FILIP1: variants seen among roughly 807,000 people sequenced by gnomAD.
FILIP1 encodes filamin-A-interacting protein 1.
Under a neutral mutation model 102.1 loss-of-function variants are expected in FILIP1, and 61 were observed. The observed-to-expected ratio is 0.60, with a 90% CI of 0.49 to 0.74. The LOEUF (loss-of-function observed/expected upper bound fraction) is 0.74. Among genes scored for constraint, FILIP1 ranks in the 30% least tolerant of loss-of-function variants. The pLI is 0.00. For missense variants in FILIP1, 1,314 were observed against 1,441.2 expected, an observed-to-expected ratio of 0.91 and a Z score of 1.43; for synonymous variants, 491 against 526.9, an observed-to-expected ratio of 0.93 and a Z score of 0.93.
intron 6 of FILIP1, among the ~76,000 whole-genome samples, chr6:75,297,463 C>G (rs533347734): frequency 1.3e-5 from 2 of 152,216 alleles, no homozygotes; most frequent in Non-Finnish European, 1.5e-5. Flanking sequence ...GTAAGATGAA[C>G]TATAGAATGT....
At chr6:75,396,333 GGGACAAGACT>G (rs1776460097) in intron 2 of FILIP1, among the ~76,000 whole-genome samples, 1 of 151,810 alleles carries the variant, frequency 6.6e-6, no homozygotes, top group South Asian at 2.1e-4. Flanking sequence ...TAGCCAAAGG[GGGACAAGACT>G]GCAGGAAGGG....
At chr6:75,429,353 G>T (rs147623998) in intron 1 of FILIP1, among the ~76,000 whole-genome samples, 1 of 152,134 alleles carries the variant, frequency 6.6e-6, no homozygotes, top group East Asian at 1.9e-4. Context: ...TCAAAGAAAC[G>T]TCCTGGAGAG....
At chr6:75,433,458 GGCT>G (rs1187499039) in intron 1 of FILIP1, among the ~76,000 whole-genome samples, 1 of 152,078 alleles carries the variant, frequency 6.6e-6, no homozygotes, top group Non-Finnish European at 1.5e-5. Flanking sequence ...TGTGTCTTTT[GGCT>G]GCATAAATGT....
intron 2 of FILIP1, among the ~76,000 whole-genome samples, chr6:75,388,363 G>A (rs1395084728): frequency 6.6e-6 from 1 of 152,128 alleles, no homozygotes; most frequent in Non-Finnish European, 1.5e-5. Flanking sequence ...TGGCTATACG[G>A]GCCCTTTTTT....
At chr6:75,342,343 A>G (rs920790033) in intron 4 of FILIP1, among the ~76,000 whole-genome samples, 3 of 152,220 alleles carry the variant, frequency 2.0e-5, no homozygotes, top group African/African-American at 4.8e-5. Flanking sequence ...ATACTGCATT[A>G]TTTCTCCTCA....
chr6:75,299,375 A>G (rs1772772570), intron 6 of FILIP1, among the ~76,000 whole-genome samples: 1 of 152,166 alleles, frequency 6.6e-6, no homozygotes, highest in Admixed American at 6.5e-5. Context: ...TGATTTGGAG[A>G]GCACTTAATA....
exon 7 of FILIP1, chr6:75,294,610 A>G (rs1772621642): frequency 6.6e-6 from 1 of 152,246 alleles, no homozygotes; most frequent in Non-Finnish European, 1.5e-5. Context: ...AAATCTTTCA[A>G]AATCAAGGGG....
intron 1 of FILIP1, among the ~76,000 whole-genome samples, chr6:75,462,506 C>T (rs1226163529): frequency 6.6e-6 from 1 of 151,998 alleles, no homozygotes; most frequent in Admixed American, 6.6e-5. Context: ...TAATATAAAT[C>T]TTGCTGATAA....
intron 1 of FILIP1, among the ~76,000 whole-genome samples, chr6:75,443,391 C>T (rs1218763792): frequency 6.6e-6 from 1 of 152,112 alleles, no homozygotes; most frequent in African/African-American, 2.4e-5. Flanking sequence ...CAAAAATCTA[C>T]CAATTTTTAG....
In FILIP1 at chr6:75,312,431, AC is replaced by A; in HGVS notation, c.3400del (p.Val1134SerfsTer33). ...KVTSTITITP[V>X]TTSSARGTQS... The stretch of plus-strand genomic sequence containing the variant: ...GGTTCCTCGAGCAGATGACGTTGTG[AC>A]CGGTGTTATGGTGATAGTGCTCGTC... On this transcript the variant is annotated frameshift_variant, in exon 5 of 6. Transcript: ENST00000237172. LOFTEE classifies it high-confidence loss of function. 1 of 1,613,934 alleles carries A rather than the reference AC, an allele frequency of 6.2e-7. No homozygotes were observed. The highest frequency in any genetic ancestry group is 8.5e-7 in the Non-Finnish European group (1 of 1,179,980).
chr6:75,420,282 T>A (rs1469542581), intron 1 of FILIP1, among the ~76,000 whole-genome samples: 1 of 150,512 alleles, frequency 6.6e-6, no homozygotes, highest in East Asian at 1.9e-4. Context: ...CCCAGAAAAA[T>A]TTCCAGAAAA....
At chr6:75,383,275 C>T (rs1775961819) in intron 2 of FILIP1, among the ~76,000 whole-genome samples, 1 of 152,012 alleles carries the variant, frequency 6.6e-6, no homozygotes. Context: ...ATAGCAAAAT[C>T]CTATTTAATC....
intron 4 of FILIP1, among the ~76,000 whole-genome samples, chr6:75,331,459 C>T (rs1774077887): frequency 6.6e-6 from 1 of 152,146 alleles, no homozygotes; most frequent in African/African-American, 2.4e-5. Context: ...TGTCTCCTCC[C>T]CGTTGTCAGT....
intron 4 of FILIP1, among the ~76,000 whole-genome samples, chr6:75,344,499 T>G (rs768907416): frequency 6.6e-6 from 1 of 152,224 alleles, no homozygotes; most frequent in African/African-American, 2.4e-5. Flanking sequence ...CCAACTAAAA[T>G]GGGGTCAGTT....
exon 7 of FILIP1, chr6:75,295,598 C>CAA (rs34332368): frequency 1.0e-4 from 22 of 210,922 alleles, no homozygotes; most frequent in African/African-American, 3.7e-4. Context: ...AACACTTTAG[C>CAA]AAAAAAAATC....
downstream of FILIP1, among the ~76,000 whole-genome samples, chr6:75,306,493 A>C (rs764705986): frequency 1.2e-4 from 18 of 152,260 alleles, no homozygotes; most frequent in Non-Finnish European, 2.1e-4. Context: ...GTTATGGTAC[A>C]GTAACACTAA....
chr6:75,446,491 C>T (rs912031130), intron 1 of FILIP1, among the ~76,000 whole-genome samples: 2 of 152,258 alleles, frequency 1.3e-5, no homozygotes, highest in African/African-American at 2.4e-5. Flanking sequence ...AAGACTGTAG[C>T]TCTGCAGAAT....
intron 4 of FILIP1, among the ~76,000 whole-genome samples, chr6:75,331,555 A>C (rs530129153): frequency 6.6e-6 from 1 of 152,298 alleles, no homozygotes; most frequent in South Asian, 2.1e-4. Flanking sequence ...ACTTGGGGAC[A>C]CCCAAGGATG....
At chr6:75,403,967 G>C (rs1776747080) in intron 2 of FILIP1, among the ~76,000 whole-genome samples, 1 of 152,138 alleles carries the variant, frequency 6.6e-6, no homozygotes, top group Non-Finnish European at 1.5e-5. Flanking sequence ...ATAATCCTAG[G>C]AGGTTTCAAC....
Sources: gnomAD v4.1 joint callset for allele counts (sites outside exome capture counted in the v4.1 genomes callset) on GRCh38, gnomAD v4.1.1 for gene constraint, MANE v1.5 for transcripts, NCBI Gene and HGNC (gene_info 2026-07-23, HGNC 2026-07-21) for gene names.